Variants in PRR16 observed in about 807,000 individuals in gnomAD.
PRR16 encodes proline rich 16.
PRR16 carries 6 observed loss-of-function variants against 18.2 expected under a neutral mutation model. That is an observed-to-expected ratio of 0.33 (90% CI 0.18 to 0.65). The LOEUF is 0.65. Among genes scored for constraint, PRR16 ranks in the 30% least tolerant of loss-of-function variants. PRR16 has a pLI of 0.74. For synonymous variants in PRR16, 151 were observed against 147.8 expected, an observed-to-expected ratio of 1.02 and a Z score of -0.16; for missense variants, 412 against 376.6, an observed-to-expected ratio of 1.09 and a Z score of -0.78.
intron 1 of PRR16, among the ~76,000 whole-genome samples, chr5:120,486,805 T>C (rs1749817883): frequency 6.6e-6 from 1 of 152,074 alleles, no homozygotes; most frequent in South Asian, 2.1e-4. Context: ...CTTTAATCCA[T>C]CTCGAATTAA....
At chr5:120,505,318 G>T (rs1750604397) in intron 1 of PRR16, among the ~76,000 whole-genome samples, 4 of 152,152 alleles carry the variant, frequency 2.6e-5, no homozygotes, top group Admixed American at 1.3e-4. Context: ...CTGAGCAAAT[G>T]CATTAAAACA....
At chr5:120,598,102 T>G (rs1015339702) in intron 1 of PRR16, among the ~76,000 whole-genome samples, 1 of 151,864 alleles carries the variant, frequency 6.6e-6, no homozygotes, top group Non-Finnish European at 1.5e-5. Flanking sequence ...AATACTTTTT[T>G]GTTAGTTTAT....
intron 1 of PRR16, among the ~76,000 whole-genome samples, chr5:120,562,358 T>A (rs752132797): frequency 1.2e-4 from 18 of 152,144 alleles, no homozygotes; most frequent in Non-Finnish European, 2.2e-4. Context: ...TTATTTTCAG[T>A]CCATGTGTAT....
At chr5:120,476,049 T>C (rs1749431453) in intron 1 of PRR16, among the ~76,000 whole-genome samples, 1 of 152,166 alleles carries the variant, frequency 6.6e-6, no homozygotes, top group African/African-American at 2.4e-5. Flanking sequence ...CTAATCCCTA[T>C]GCTGTTAATT....
At chr5:120,734,481 T>G in the PRR16 span, among the ~76,000 whole-genome samples, 1 of 152,190 alleles carries the variant, frequency 6.6e-6, no homozygotes, top group African/African-American at 2.4e-5. Context: ...AAAATGTTAT[T>G]TAGTTTTTAT....
Position 120,665,412 on chromosome 5 carries a change from G to A in PRR16, c.160-20542G>A, listed in dbSNP as rs1340239908. Among the ~76,000 whole-genome samples, 5 of 152,054 alleles carry A rather than the reference G, an allele frequency of 3.3e-5. No individual in the cohort carries two copies. In the East Asian group the frequency reaches 9.7e-4, roughly 29 times the overall value. On this transcript the variant is annotated intron_variant, in intron 1 of 1. Transcript: ENST00000407149. ...TTTTCTCCCATTCTGTAGGTTGCCTGTTCACTCTGATGGTAGTTTCTTTTG... is the reference window on the plus strand; with the variant it reads ...TTTTCTCCCATTCTGTAGGTTGCCTATTCACTCTGATGGTAGTTTCTTTTG...
At chr5:120,516,417 A>G (rs1181680417) in intron 1 of PRR16, among the ~76,000 whole-genome samples, 22 of 116,196 alleles carry the variant, frequency 1.9e-4, no homozygotes, top group African/African-American at 7.2e-4. Context: ...GGGTGAGATT[A>G]TGTCTCAAAA....
At chr5:120,547,634 G>A (rs1752115823) in intron 1 of PRR16, among the ~76,000 whole-genome samples, 1 of 151,818 alleles carries the variant, frequency 6.6e-6, no homozygotes, top group Non-Finnish European at 1.5e-5. Context: ...ACAAGGTTGT[G>A]TTTTGTTATC....
chr5:120,695,193 T>TA, the PRR16 span, among the ~76,000 whole-genome samples: 1 of 152,212 alleles, frequency 6.6e-6, no homozygotes, highest in Non-Finnish European at 1.5e-5. Context: ...TATCTTTTTT[T>TA]AAAAACTTTA....
chr5:120,764,811 T>C, the PRR16 span, among the ~76,000 whole-genome samples: 2 of 152,072 alleles, frequency 1.3e-5, no homozygotes, highest in African/African-American at 2.4e-5. Context: ...AATTAGATAA[T>C]TAATAATTAG....
chr5:120,540,165 T>C (rs1344160814), intron 1 of PRR16, among the ~76,000 whole-genome samples: 1 of 152,222 alleles, frequency 6.6e-6, no homozygotes, highest in African/African-American at 2.4e-5. Context: ...ATTTTTTAAA[T>C]TGAGCCAAGC....
intron 1 of PRR16, among the ~76,000 whole-genome samples, chr5:120,519,788 G>A (rs1482005901): frequency 6.6e-6 from 1 of 151,926 alleles, no homozygotes; most frequent in African/African-American, 2.4e-5. Context: ...AGATATTTTG[G>A]GGGGCCCTTA....
chr5:120,701,899 G>T, the PRR16 span, among the ~76,000 whole-genome samples: 1 of 152,150 alleles, frequency 6.6e-6, no homozygotes, highest in Non-Finnish European at 1.5e-5. Flanking sequence ...AATTCAAAGT[G>T]CCATTTTCTG....
the PRR16 span, among the ~76,000 whole-genome samples, chr5:120,750,086 C>T: frequency 6.6e-6 from 1 of 152,042 alleles, no homozygotes; most frequent in Non-Finnish European, 1.5e-5. Context: ...AATTGGGTAC[C>T]TTTACGTAGC....
intron 1 of PRR16, among the ~76,000 whole-genome samples, chr5:120,668,592 C>T (rs1561605323): frequency 6.6e-6 from 1 of 152,078 alleles, no homozygotes; most frequent in Non-Finnish European, 1.5e-5. Flanking sequence ...GCAGCTGGTA[C>T]CGGTTGTTCC....
At chr5:120,550,704 C>T (rs1224633026) in intron 1 of PRR16, among the ~76,000 whole-genome samples, 1 of 151,954 alleles carries the variant, frequency 6.6e-6, no homozygotes, top group Non-Finnish European at 1.5e-5. Context: ...AGCATAATAC[C>T]TTCAACATAG....
At position 120,495,476 on chromosome 5, in the gene PRR16, A is replaced by T. The variant is rs576436445; in HGVS notation, c.159+30831A>T. On this transcript the variant is annotated intron_variant, in intron 1 of 1. Coordinates refer to ENST00000407149, the MANE Select transcript of PRR16 (RefSeq NM_001300783.2). ...CTGTAGATTACTTATAATACTTAGT[A>T]CAATGCCTACAATATCACTTCATTC... is the stretch of plus-strand genomic sequence containing the variant. Among the ~76,000 whole-genome samples the T allele has an allele frequency of 1.2e-4, 19 of 152,262 alleles. No individual in the cohort carries two copies. The South Asian group carries it at 3.9e-3, about 32-fold the overall frequency.
intron 1 of PRR16, among the ~76,000 whole-genome samples, chr5:120,642,645 A>C (rs1433534213): frequency 6.6e-6 from 1 of 152,112 alleles, no homozygotes; most frequent in Non-Finnish European, 1.5e-5. Flanking sequence ...TCACATGTAC[A>C]CTGAGATTTA....
chr5:120,654,999 A>T (rs1755917909), intron 1 of PRR16, among the ~76,000 whole-genome samples: 1 of 151,990 alleles, frequency 6.6e-6, no homozygotes, highest in African/African-American at 2.4e-5. Context: ...ATGATGCTCA[A>T]TATATACTTA....
Sources: allele counts gnomAD v4.1 joint callset (sites outside exome capture counted in the v4.1 genomes callset), GRCh38; gene constraint gnomAD v4.1.1; transcripts MANE v1.5; gene names NCBI Gene and HGNC (gene_info 2026-07-23, HGNC 2026-07-21).